The following OSBPL5 variants were observed in gnomAD, a reference collection of about 807,000 sequenced individuals.
The protein encoded by OSBPL5 is oxysterol binding protein like 5.
OSBPL5 carries 71 observed loss-of-function variants against 111.2 expected under a neutral mutation model. That is an observed-to-expected ratio of 0.64 (90% CI 0.53 to 0.78). The LOEUF (loss-of-function observed/expected upper bound fraction) is 0.78, where lower values mean the gene tolerates loss of function less well. OSBPL5 is among the 30% of genes least tolerant of loss of function. The probability of loss-of-function intolerance (pLI) is 0.00; values close to 1 mark genes in which losing one functional copy is unlikely to be tolerated. For synonymous variants in OSBPL5, 549 were observed against 513.9 expected, an observed-to-expected ratio of 1.07 and a Z score of -0.93; for missense variants, 1,210 against 1,189.3, an observed-to-expected ratio of 1.02 and a Z score of -0.26.
chr11:3,147,760 G>A (rs957925996), intron 1 of OSBPL5, among the ~76,000 whole-genome samples: 6 of 152,330 alleles, frequency 3.9e-5, no homozygotes, highest in African/African-American at 7.2e-5. Flanking sequence ...AGGGAAGGCC[G>A]GGCGTGGCCC....
In OSBPL5 at chr11:3,107,905, G is replaced by C; in HGVS notation, c.732C>G (p.Cys244Trp). 1 of 1,602,894 alleles carries C rather than the reference G, an allele frequency of 6.2e-7. No homozygotes were observed. The highest frequency in any genetic ancestry group is 1.3e-5 in the African/African-American group (1 of 75,056). The part of the protein sequence containing the change: ...WLDALELALR[C>W]SSLLRLGTCK... ...AGGTGCCCAGTCTCAGTAGGCTAGA[G>C]CAGCGCAGGGCCAGCTCCAGGGCGT... Residue 244 changes from cysteine (C) to tryptophan (W), a missense_variant, in exon 8 of 22, where the codon TGC becomes TGG. Physicochemically the swap from Cys to Trp is radical, Grantham distance 215. Coordinates refer to ENST00000263650, the MANE Select transcript of OSBPL5 (RefSeq NM_020896.4). The surrounding 1 kb of genome is among the most constrained non-coding windows in gnomAD (Gnocchi z 6.1).
chr11:3,103,816 CTGCGCA>C (rs758850871), intron 10 of OSBPL5, among the ~76,000 whole-genome samples: 7 of 39,154 alleles, frequency 1.8e-4, no homozygotes, highest in East Asian at 1.7e-3. Flanking sequence ...CTCTTCCTGC[CTGCGCA>C]GCCCCCTTCC....
chr11:3,097,028 A>G (rs1857287916), intron 14 of OSBPL5, among the ~76,000 whole-genome samples: 3 of 71,324 alleles, frequency 4.2e-5, no homozygotes, highest in East Asian at 4.5e-4. Flanking sequence ...GAGGGGGAGG[A>G]GAGGAAAGAG....
In OSBPL5 at chr11:3,094,249, T is replaced by C. The variant is rs1857168883; in HGVS notation, c.1707A>G (p.Glu569=). The C allele has an allele frequency of 6.2e-7, 1 of 1,613,288 alleles. No individual in the cohort carries two copies. The highest frequency in any genetic ancestry group is 8.5e-7 in the Non-Finnish European group (1 of 1,179,854). The change falls in exon 15 of 22, where the codon GAA becomes GAG. Residue 569 remains glutamate (E), a synonymous_variant. Transcript: ENST00000263650. ...CAGCCAGCGCTACCTTGAGTTTGAA[T>C]TCCAGCTGGGCCTGGAAGTTGTTCT... ...CAKNNFQAQL[E]FKLKPFFGGS... is the part of the protein sequence containing the mutation.
rs1013453330 is a variant in OSBPL5, at chr11:3,142,372, C to A, written c.-21-13203G>T. 4.6e-5 allele frequency among the ~76,000 whole-genome samples: 7 copies of A among 152,196 alleles called. No individual in the cohort carries two copies. Among genetic ancestry groups the A allele is most frequent in the Admixed American group, 4.6e-4 (7 of 15,282 alleles). The stretch of plus-strand genomic sequence containing the variant: ...AATGCCCAGATGGTCCAAGAGAACA[C>A]TTTCTGGGCTGCTGGTCTGTACAAC... On this transcript the variant is annotated intron_variant, in intron 1 of 21. Coordinates refer to ENST00000263650, the MANE Select transcript of OSBPL5 (RefSeq NM_020896.4). The surrounding 1 kb of genome is among the most constrained non-coding windows in gnomAD (Gnocchi z 7.1).
chr11:3,137,201 TC>T (rs1845972144), intron 1 of OSBPL5, among the ~76,000 whole-genome samples: 1 of 152,162 alleles, frequency 6.6e-6, no homozygotes, highest in Non-Finnish European at 1.5e-5. Flanking sequence ...ACAGATGCAC[TC>T]CCTGAGAGCA....
chr11:3,129,552 G>A (rs1216204218), intron 1 of OSBPL5, among the ~76,000 whole-genome samples: 1 of 152,176 alleles, frequency 6.6e-6, no homozygotes, highest in Non-Finnish European at 1.5e-5. Flanking sequence ...CCACGTGACA[G>A]CACTTTGTGG....
intron 14 of OSBPL5, among the ~76,000 whole-genome samples, chr11:3,099,024 A>G (rs535624613): frequency 6.6e-6 from 1 of 152,190 alleles, no homozygotes; most frequent in African/African-American, 2.4e-5. Flanking sequence ...GCTGGTCTTG[A>G]ACTCTTGGGC....
In OSBPL5 at chr11:3,112,033, GTA is replaced by G. The variant is rs755971786; in HGVS notation, c.692-4090_692-4089del. 7.3e-3 allele frequency among the ~76,000 whole-genome samples: 823 copies of G among 113,134 alleles called. 7 individuals are homozygous for G. The highest frequency in any genetic ancestry group is 0.021 in the Middle Eastern group (5 of 242). 74.2% of individuals were successfully genotyped at this position (113,134 alleles called of 152,430 possible). A position where few individuals can be genotyped will look rare whatever the true frequency, so the allele number is the denominator to read the frequency against. On this transcript the variant is annotated intron_variant, in intron 7 of 21. Coordinates refer to ENST00000263650, the MANE Select transcript of OSBPL5 (RefSeq NM_020896.4). ...TGCGCGCATGTGTGTGCATGTGTGTGTATGTGTGCGCGCATGTGTGTGCATGT... is the reference window on the plus strand; with the variant it reads ...TGCGCGCATGTGTGTGCATGTGTGTGTGTGTGCGCGCATGTGTGTGCATGT...
chr11:3,135,709 G>T (rs987695852), intron 1 of OSBPL5, among the ~76,000 whole-genome samples: 10 of 152,358 alleles, frequency 6.6e-5, no homozygotes, highest in Middle Eastern at 3.4e-3. Context: ...ACCGCCCCGT[G>T]GTGGCAGCGC....
rs747711340 is a variant in OSBPL5 at position 3,126,570 on chromosome 11, T to C, written c.137-15A>G. The C allele has an allele frequency of 2.0e-5, 32 of 1,601,660 alleles. No individual in the cohort carries two copies. The highest frequency in any genetic ancestry group is 3.4e-5 in the Admixed American group (2 of 59,182). ...CATGTCCTTCCCTGCAAGAGAGCAGTGGGAGTGAGGACCCAGGCATGGTGG... is the reference window on the plus strand; with the variant it reads ...CATGTCCTTCCCTGCAAGAGAGCAGCGGGAGTGAGGACCCAGGCATGGTGG... On this transcript the variant is annotated splice_polypyrimidine_tract_variant and intron_variant, in intron 2 of 21. Coordinates refer to ENST00000263650, the MANE Select transcript of OSBPL5 (RefSeq NM_020896.4). The surrounding 1 kb of genome is among the most constrained non-coding windows in gnomAD (Gnocchi z 6.5).
chr11:3,092,040 TC>T lies in OSBPL5; in HGVS notation c.2259+391del, dbSNP rs1165205712. Among the ~76,000 whole-genome samples, 1 of 152,116 alleles carries T rather than the reference TC, an allele frequency of 6.6e-6. No homozygotes were observed. The highest frequency in any genetic ancestry group is 1.5e-5 in the Non-Finnish European group (1 of 68,008). On this transcript the variant is annotated intron_variant, in intron 19 of 21. Coordinates refer to ENST00000263650, the MANE Select transcript of OSBPL5 (RefSeq NM_020896.4). This position sits in a 1 kb window ranked among gnomAD's most constrained non-coding sequence, Gnocchi z 5.4. ...CCCTGGAGCCTCCTGCTGTCCCGCT[TC>T]CCCTTTCCAGACACAAGATCTGTGC...
chr11:3,092,876 C>G lies in OSBPL5; in HGVS notation c.2123G>C (p.Arg708Pro), dbSNP rs202210331. 1.6e-5 allele frequency: 25 copies of G among 1,543,436 alleles called. No individual in the cohort carries two copies. Among genetic ancestry groups the G allele is most frequent in the Admixed American group, 7.9e-5 (4 of 50,666 alleles). The change falls in exon 18 of 22, where the codon CGA becomes CCA. Residue 708 changes from arginine to proline, a missense_variant. Transcript: ENST00000263650. This position sits in a 1 kb window ranked among gnomAD's most constrained non-coding sequence, Gnocchi z 5.4. ...CTTTGTCGGCACTCACTCCTCGTATCGGTAGTGCCACTCCTGGGTGATGGG... is the reference window on the plus strand; with the variant it reads ...CTTTGTCGGCACTCACTCCTCGTATGGGTAGTGCCACTCCTGGGTGATGGG... ...LDPITQEWHY[R>P]YEDHSPWDPL... is the part of the protein sequence containing the mutation.
chr11:3,094,843 G>A (rs4758519), intron 14 of OSBPL5: 38,148 of 152,626 alleles, frequency 0.25, 5,396 homozygotes, highest in African/African-American at 0.36. Context: ...ATGGCATCCC[G>A]TATGTTTAAA....
chr11:3,151,203 C>A (rs558971480), intron 1 of OSBPL5, among the ~76,000 whole-genome samples: 1 of 152,178 alleles, frequency 6.6e-6, no homozygotes, highest in African/African-American at 2.4e-5. Flanking sequence ...AATCCTCCCC[C>A]AGAGCCTTCG....
intron 1 of OSBPL5, among the ~76,000 whole-genome samples, chr11:3,153,440 GA>G (rs113577409): frequency 0.032 from 4,818 of 152,242 alleles, 100 homozygotes; most frequent in African/African-American, 0.056. Flanking sequence ...GCCTCCATGG[GA>G]ATAAGCTGCT....
In OSBPL5 at chr11:3,087,944, C is replaced by T. The variant is rs916559453; in HGVS notation, c.*261G>A. ...CACGGCAAGATGGCCAGGAGTGCGT[C>T]GCACAGCAGAAGCTGCATTTGGCTT... On this transcript the variant is annotated 3_prime_UTR_variant, in exon 22 of 22. Transcript: ENST00000263650. 1.4e-5 allele frequency: 5 copies of T among 346,568 alleles called. No individual in the cohort carries two copies. The highest frequency in any genetic ancestry group is 2.1e-5 in the African/African-American group (1 of 47,406). The allele number at this position is 346,568 out of a possible 1,614,324, so 21.5% of individuals were successfully genotyped here.
At chr11:3,118,969 T>C (rs1858305105) in intron 7 of OSBPL5, among the ~76,000 whole-genome samples, 1 of 151,804 alleles carries the variant, frequency 6.6e-6, no homozygotes, top group South Asian at 2.1e-4. Flanking sequence ...TGGGTGCTTT[T>C]ATAAGGTCAC....
In OSBPL5 at chr11:3,089,838, T is replaced by A; in HGVS notation, c.2501+8A>T. On this transcript the variant is annotated splice_region_variant and intron_variant, in intron 21 of 21. Transcript: ENST00000263650. The stretch of plus-strand genomic sequence containing the variant: ...GGAGTCTGGATGGACACCCTGAGTG[T>A]GGCCCACCTGTGCAGCTCCTGCTGG... 1.3e-6 allele frequency: 2 copies of A among 1,555,014 alleles called. No homozygotes were observed. The highest frequency in any genetic ancestry group is 2.4e-5 in the South Asian group (2 of 84,308).
Sources: gnomAD v4.1 joint callset for allele counts (sites outside exome capture counted in the v4.1 genomes callset) on GRCh38, gnomAD v4.1.1 for gene constraint, Gnocchi (gnomAD v3.1) non-coding constraint, MANE v1.5 for transcripts, NCBI Gene and HGNC (gene_info 2026-07-23, HGNC 2026-07-21) for gene names.